Variants in HEATR3 observed in about 807,000 individuals in gnomAD.
The protein encoded by HEATR3 is HEAT repeat-containing protein 3.
Under a neutral mutation model 72.8 loss-of-function variants are expected in HEATR3, and 56 were observed. That is an observed-to-expected ratio of 0.77 (90% confidence interval 0.62 to 0.96). HEATR3 has a LOEUF of 0.96. HEATR3 is among the 40% of genes least tolerant of loss of function. HEATR3 has a pLI of 0.00. For synonymous variants in HEATR3, 331 were observed against 318.1 expected (o/e 1.04, Z -0.43); for missense variants, 747 against 831.4 (o/e 0.90, Z 1.25).
chr16:50,066,623 G>A, intron 2 of HEATR3, 84 bp downstream of exon 2: 1 of 1,188,962 alleles, frequency 8.4e-7, no homozygotes, highest in Non-Finnish European at 1.1e-6. Context: ...GTCACCCAGC[G>A]CCTTCTGTGT....
rs532847593 is a variant in HEATR3, at chr16:50,107,088, T to A, written c.*2027T>A. ...TCCAAAAAAGAAAGTATTAGAGTTC[T>A]CTCTGCCTCAATTATTTATAAAATA... On this transcript the variant is annotated 3_prime_UTR_variant, in exon 15 of 15. Transcript: ENST00000299192. Among the ~76,000 whole-genome samples the A allele has an allele frequency of 1.3e-4, 20 of 152,338 alleles. 1 individual carries two copies. The South Asian group carries it at 4.1e-3, about 32-fold the overall frequency.
At chr16:50,098,694 T>G (rs970955080) in intron 12 of HEATR3, among the ~76,000 whole-genome samples, 10 of 151,742 alleles carry the variant, frequency 6.6e-5, no homozygotes, top group African/African-American at 2.2e-4. Flanking sequence ...AAAATTAAAA[T>G]TAGAGAAAAG....
intron 13 of HEATR3, 130 bp downstream of exon 13, chr16:50,100,503 ATAT>A (rs2037343078): frequency 4.8e-6 from 4 of 835,852 alleles, no homozygotes; most frequent in Admixed American, 5.0e-5. Flanking sequence ...TTATTGAGTC[ATAT>A]TATTAGAATA....
At chr16:50,084,856 A>G (rs534884987) in intron 10 of HEATR3, among the ~76,000 whole-genome samples, 3 of 152,188 alleles carry the variant, frequency 2.0e-5, no homozygotes, top group Non-Finnish European at 4.4e-5. Context: ...GCCCCAACCC[A>G]TAAACAAACG....
At chr16:50,094,927 A>G (rs1209616254) in intron 12 of HEATR3, 134 bp downstream of exon 12, 1 of 504,788 alleles carries the variant, frequency 2.0e-6, no homozygotes, top group East Asian at 3.5e-5. Flanking sequence ...AAAAAATAAA[A>G]CAAAAGTGAT....
At chr16:50,067,575 A>G (rs979969049) in intron 2 of HEATR3, among the ~76,000 whole-genome samples, 3 of 150,392 alleles carry the variant, frequency 2.0e-5, no homozygotes, top group Non-Finnish European at 4.4e-5. Flanking sequence ...GTGAGGCTGG[A>G]GAGAGGGATG....
At chr16:50,071,299 G>T in intron 4 of HEATR3, among the ~76,000 whole-genome samples, 1 of 152,208 alleles carries the variant, frequency 6.6e-6, no homozygotes, top group East Asian at 1.9e-4. Flanking sequence ...ACAAGATTAA[G>T]TTGGATCCTG....
At chr16:50,089,763 A>T (rs1209946891) in intron 11 of HEATR3, among the ~76,000 whole-genome samples, 5 of 151,904 alleles carry the variant, frequency 3.3e-5, no homozygotes, top group African/African-American at 1.2e-4. Context: ...CTGCCCCCCA[A>T]GTTCAAGCAA....
intron 11 of HEATR3, among the ~76,000 whole-genome samples, chr16:50,089,554 G>GAATC (rs1448127486): frequency 6.6e-6 from 1 of 152,140 alleles, no homozygotes. Flanking sequence ...GAGAAATGGA[G>GAATC]AATCAAAATG....
At chr16:50,071,275 A>G (rs951955726) in intron 4 of HEATR3, among the ~76,000 whole-genome samples, 2 of 152,212 alleles carry the variant, frequency 1.3e-5, no homozygotes, top group Non-Finnish European at 2.9e-5. Flanking sequence ...AAAAGCACAG[A>G]TGTTTCTTAG....
At position 50,066,480 on chromosome 16, in the gene HEATR3, C is replaced by T. The variant is rs1003832168; in HGVS notation, c.252C>T (p.Leu84=). The T allele has an allele frequency of 8.2e-6, 11 of 1,347,742 alleles. No homozygotes were observed. The African/African-American group carries it at 9.2e-5, about 11-fold the overall frequency. The allele number at this position is 1,347,742 out of a possible 1,614,324, so 83.5% of individuals were successfully genotyped here. ...GLARRDAVRR[L]GPLLLDPSLA... is the part of the protein sequence containing the mutation. Reference sequence around the variant, plus strand: ...CGCGACGAGACGCCGTGCGCCGCCTCGGGCCGCTGCTGCTAGACCCCAGCC... The same window carrying T: ...CGCGACGAGACGCCGTGCGCCGCCTTGGGCCGCTGCTGCTAGACCCCAGCC... Residue 84 remains leucine, a synonymous_variant, in exon 2 of 15, where the codon CTC becomes CTT. Coordinates refer to ENST00000299192, the MANE Select transcript of HEATR3 (RefSeq NM_182922.4).
At chr16:50,100,675 G>C in intron 13 of HEATR3, 1 of 347,890 alleles carries the variant, frequency 2.9e-6, no homozygotes, top group East Asian at 7.8e-5. Context: ...GATGCCTTCT[G>C]CCTTTGCTGT....
rs188106526 is a variant in HEATR3, at chr16:50,094,135, G to A, written c.1511-570G>A. 1.2e-4 allele frequency among the ~76,000 whole-genome samples: 19 copies of A among 152,318 alleles called. No homozygotes were observed. The East Asian group carries it at 3.7e-3, about 29-fold the overall frequency. ...TGCACGTGCCTGTGCCAGCATAATG[G>A]CTTACTGCTGGTGTTCTGTTTGTCC... On this transcript the variant is annotated intron_variant, in intron 11 of 14. Transcript: ENST00000299192.
At chr16:50,103,909 C>T (rs2037423280) in intron 14 of HEATR3, among the ~76,000 whole-genome samples, 1 of 152,032 alleles carries the variant, frequency 6.6e-6, no homozygotes, top group Non-Finnish European at 1.5e-5. Flanking sequence ...TCATGCCTGT[C>T]ATCCCAGCTA....
At chr16:50,092,091 C>G (rs1038053391) in intron 11 of HEATR3, among the ~76,000 whole-genome samples, 6 of 151,998 alleles carry the variant, frequency 3.9e-5, no homozygotes, top group Admixed American at 1.3e-4. Context: ...AATCCCAGCA[C>G]TTTGGGATGC....
chr16:50,100,119 C>A, intron 12 of HEATR3, 111 bp from the exon 13 acceptor site: 1 of 997,988 alleles, frequency 1.0e-6, no homozygotes, highest in Non-Finnish European at 1.4e-6. Context: ...GTTTATGTCA[C>A]TCTTAAAATC....
intron 10 of HEATR3, among the ~76,000 whole-genome samples, chr16:50,085,128 A>C (rs541301849): frequency 2.0e-4 from 30 of 151,440 alleles, no homozygotes; most frequent in African/African-American, 6.5e-4. Flanking sequence ...AGAGGCAAGG[A>C]AATGTTTACC....
intron 3 of HEATR3, 55 bp downstream of exon 3, chr16:50,068,922 T>C (rs1358250167): frequency 2.4e-5 from 31 of 1,296,414 alleles, no homozygotes; most frequent in Non-Finnish European, 3.1e-5. Context: ...AACTTAGACT[T>C]TTTTTAGTAC....
chr16:50,072,804 T>G, intron 5 of HEATR3, 90 bp downstream of exon 5: 1 of 788,866 alleles, frequency 1.3e-6, no homozygotes, highest in Non-Finnish European at 2.2e-6. Flanking sequence ...TCCACTGGAG[T>G]GATTTTTTGT....
Sources: gnomAD v4.1 joint callset for allele counts (sites outside exome capture counted in the v4.1 genomes callset) on GRCh38, gnomAD v4.1.1 for gene constraint, MANE v1.5 for transcripts, NCBI Gene and HGNC (gene_info 2026-07-23, HGNC 2026-07-21) for gene names.